The following CSMD1 variants were observed in gnomAD, a reference collection of about 807,000 sequenced individuals.
CSMD1 encodes the protein CUB and sushi domain-containing protein 1.
CSMD1 carries 213 observed loss-of-function variants against 417.5 expected under a neutral mutation model. The ratio of observed to expected loss-of-function variants is 0.51; its 90% CI spans 0.46 to 0.57. CSMD1 has a LOEUF of 0.57. Among genes scored for constraint, CSMD1 ranks in the 20% least tolerant of loss-of-function variants. The pLI, the probability that CSMD1 is intolerant of heterozygous loss-of-function variation, is 0.00. For synonymous variants in CSMD1, 2,862 were observed against 1,736.8 expected (o/e 1.65, Z -16.11); for missense variants, 6,923 against 4,529.7 (o/e 1.53, Z -15.17).
intron 12 of CSMD1, among the ~76,000 whole-genome samples, chr8:3,448,399 GAA>G (rs140600314): frequency 3.2e-5 from 4 of 124,788 alleles, no homozygotes; most frequent in South Asian, 2.8e-4. Flanking sequence ...AGGAGGAAGG[GAA>G]GGAAGGAAGG....
At chr8:3,994,828 T>A (rs1473093943) in intron 5 of CSMD1, among the ~76,000 whole-genome samples, 1 of 152,194 alleles carries the variant, frequency 6.6e-6, no homozygotes, top group African/African-American at 2.4e-5. Context: ...ATAAGGCTAA[T>A]CCTATTATTG....
intron 49 of CSMD1, among the ~76,000 whole-genome samples, chr8:3,061,491 T>C (rs1021088420): frequency 6.6e-6 from 1 of 152,208 alleles, no homozygotes; most frequent in Non-Finnish European, 1.5e-5. Flanking sequence ...CTTATGCCAC[T>C]GTCAATGGAA....
chr8:3,566,560 G>T (rs1405227019), intron 10 of CSMD1, among the ~76,000 whole-genome samples: 2 of 149,004 alleles, frequency 1.3e-5, no homozygotes, highest in African/African-American at 4.9e-5. Context: ...GGATGTGAAG[G>T]TTTATTGAAA....
chr8:3,217,084 A>C (rs1420204516), intron 29 of CSMD1, among the ~76,000 whole-genome samples: 2 of 151,932 alleles, frequency 1.3e-5, no homozygotes, highest in Non-Finnish European at 2.9e-5. Context: ...TCCAGGCTGG[A>C]TACAATAGCA....
At chr8:4,637,695 G>T (rs952376975) in intron 1 of CSMD1, 137 bp from the exon 2 acceptor site, 2 of 529,630 alleles carry the variant, frequency 3.8e-6, no homozygotes, top group Non-Finnish European at 6.2e-6. Flanking sequence ...ACGGAGTCTC[G>T]CTCTGTCGCC....
At chr8:3,440,521 G>A (rs1814906286) in intron 12 of CSMD1, among the ~76,000 whole-genome samples, 2 of 152,142 alleles carry the variant, frequency 1.3e-5, no homozygotes, top group South Asian at 2.1e-4. Context: ...CACCAAACTG[G>A]GTTCTTGGCT....
chr8:4,358,536 C>T (rs572859971), intron 3 of CSMD1, among the ~76,000 whole-genome samples: 13 of 152,134 alleles, frequency 8.5e-5, no homozygotes, highest in South Asian at 8.3e-4. Context: ...GCAGAGGTGA[C>T]GATATGGCCT....
intron 3 of CSMD1, among the ~76,000 whole-genome samples, chr8:4,128,315 G>C (rs781331614): frequency 3.6e-4 from 55 of 152,188 alleles, no homozygotes; most frequent in Non-Finnish European, 5.3e-4. Flanking sequence ...TACAAATTAG[G>C]GTCAGTTTTT....
intron 2 of CSMD1, among the ~76,000 whole-genome samples, chr8:4,525,289 G>C (rs1184181200): frequency 2.0e-5 from 3 of 152,212 alleles, no homozygotes; most frequent in East Asian, 1.9e-4. Context: ...CTGTAGTATG[G>C]TCTGTAGGTA....
At chr8:4,431,965 G>A (rs546858780) in intron 2 of CSMD1, among the ~76,000 whole-genome samples, 23 of 152,034 alleles carry the variant, frequency 1.5e-4, no homozygotes, top group South Asian at 4.1e-4. Context: ...TAAAAGCCAC[G>A]GCAGTAACTT....
intron 3 of CSMD1, among the ~76,000 whole-genome samples, chr8:4,227,208 A>G (rs982090275): frequency 6.6e-6 from 1 of 152,158 alleles, no homozygotes; most frequent in African/African-American, 2.4e-5. Flanking sequence ...AGTCAAACTG[A>G]AAGTACTGCA....
intron 23 of CSMD1, among the ~76,000 whole-genome samples, chr8:3,309,444 C>G (rs1486548125): frequency 1.3e-5 from 2 of 152,118 alleles, no homozygotes; most frequent in Non-Finnish European, 2.9e-5. Context: ...TTATAATGAC[C>G]TCATCAAAAT....
At chr8:4,308,172 A>G (rs551341312) in intron 3 of CSMD1, among the ~76,000 whole-genome samples, 5 of 152,204 alleles carry the variant, frequency 3.3e-5, no homozygotes, top group Non-Finnish European at 5.9e-5. Context: ...ATGTTCCTCA[A>G]TATCTCTGTG....
At chr8:4,963,572 T>C (rs1809660962) in intron 1 of CSMD1, among the ~76,000 whole-genome samples, 2 of 152,198 alleles carry the variant, frequency 1.3e-5, no homozygotes, top group African/African-American at 4.8e-5. Context: ...CTATTGGTCT[T>C]TGTGTGTTTA....
intron 5 of CSMD1, among the ~76,000 whole-genome samples, chr8:3,872,339 G>A (rs1017589824): frequency 2.0e-5 from 3 of 152,028 alleles, no homozygotes; most frequent in Middle Eastern, 3.4e-3. Flanking sequence ...GCTTTCCCCC[G>A]GCAAAGTGCC....
chr8:4,135,484 AT>A (rs1803374652), intron 3 of CSMD1, among the ~76,000 whole-genome samples: 1 of 152,096 alleles, frequency 6.6e-6, no homozygotes, highest in African/African-American at 2.4e-5. Context: ...CACACTAAAT[AT>A]CCCCACATAT....
At chr8:4,667,082 T>C (rs1473556303) in intron 1 of CSMD1, among the ~76,000 whole-genome samples, 1 of 152,208 alleles carries the variant, frequency 6.6e-6, no homozygotes, top group African/African-American at 2.4e-5. Flanking sequence ...GGTCCAGTTA[T>C]TACAGAATCC....
At chr8:3,404,994 A>G (rs1340760273) in intron 15 of CSMD1, among the ~76,000 whole-genome samples, 2 of 152,296 alleles carry the variant, frequency 1.3e-5, no homozygotes, top group Admixed American at 6.5e-5. Context: ...TTGATCCAGG[A>G]ATATAACTTA....
At chr8:4,817,864 G>T (rs978271858) in intron 1 of CSMD1, among the ~76,000 whole-genome samples, 9 of 152,154 alleles carry the variant, frequency 5.9e-5, no homozygotes, top group Non-Finnish European at 1.2e-4. Flanking sequence ...AATAGTTAAT[G>T]ATATGATAGA....
Sources: allele counts gnomAD v4.1 joint callset (sites outside exome capture counted in the v4.1 genomes callset), GRCh38; gene constraint gnomAD v4.1.1; transcripts MANE v1.5; gene names NCBI Gene and HGNC (gene_info 2026-07-23, HGNC 2026-07-21).